Variants in B9D2 observed in about 807,000 individuals in gnomAD.
B9D2 encodes B9 domain-containing protein 2.
B9D2 carries 21 observed loss-of-function variants against 19.2 expected under a neutral mutation model. That is an observed-to-expected ratio of 1.09 (90% CI 0.78 to 1.58). The LOEUF (loss-of-function observed/expected upper bound fraction) is 1.58. Ranked by LOEUF, B9D2 falls within the 40% of genes most tolerant of loss-of-function variation. The probability of loss-of-function intolerance (pLI) is 0.00; values close to 1 mark genes in which losing one functional copy is unlikely to be tolerated. For synonymous variants in B9D2, 91 were observed against 100.6 expected (o/e 0.90, Z 0.57); for missense variants, 221 against 244.3 (o/e 0.90, Z 0.64).
intron 2 of B9D2, among the ~76,000 whole-genome samples, chr19:41,358,385 T>C (rs1176784575): frequency 1.3e-5 from 2 of 151,976 alleles, no homozygotes; most frequent in Non-Finnish European, 2.9e-5. Flanking sequence ...AGGAGCCCCA[T>C]CTAGTAAGAG....
chr19:41,363,876 G>A lies in B9D2; in HGVS notation c.-5+82C>T. 7.9e-6 allele frequency: 4 copies of A among 504,174 alleles called. No homozygotes were observed. In the South Asian group the frequency reaches 8.5e-5, roughly 11 times the overall value. 31.2% of individuals were successfully genotyped at this position (504,174 alleles called of 1,614,324 possible). ...CCAGCCACCCCGCTTCCCTCCCCCA[G>A]CAAGCTCCATAAGGCGCATGCGTTA... On this transcript the variant is annotated intron_variant, in intron 1 of 3. Coordinates refer to ENST00000243578, the MANE Select transcript of B9D2 (RefSeq NM_030578.4).
At chr19:41,363,408 A>C (rs757396698) in intron 2 of B9D2, 24 bp downstream of exon 2, 3 of 1,612,618 alleles carry the variant, frequency 1.9e-6, no homozygotes, top group Admixed American at 3.3e-5. Flanking sequence ...TTGGTGTGGA[A>C]ATGAACCAGG....
At position 41,364,010 on chromosome 19, in the gene B9D2, T is replaced by C. The variant is rs1297484308; in HGVS notation, c.-57A>G. 5.0e-6 allele frequency: 1 copy of C among 199,154 alleles called. No individual in the cohort carries two copies. The highest frequency in any genetic ancestry group is 2.4e-5 in the African/African-American group (1 of 42,504). The allele number at this position is 199,154 out of a possible 1,614,324, so 12.3% of individuals were successfully genotyped here. A position where few individuals can be genotyped will look rare whatever the true frequency, so the allele number is the denominator to read the frequency against. On this transcript the variant is annotated 5_prime_UTR_variant, in exon 1 of 4. Coordinates refer to ENST00000243578, the MANE Select transcript of B9D2 (RefSeq NM_030578.4). The stretch of plus-strand genomic sequence containing the variant: ...AGAAAGCGGCAACCGGGGTTGTAGT[T>C]CATGGGCTTGACTGCTTCTTTTCTC...
At chr19:41,362,337 C>T (rs1345392415) in intron 2 of B9D2, among the ~76,000 whole-genome samples, 1 of 132,366 alleles carries the variant, frequency 7.6e-6, no homozygotes, top group Non-Finnish European at 1.5e-5. Context: ...TAGATTGCAC[C>T]ACTGCACTAC....
rs572892079 is a variant in B9D2, at chr19:41,358,549, G to C, written c.89-527C>G. 6.2e-4 allele frequency among the ~76,000 whole-genome samples: 94 copies of C among 152,198 alleles called. No homozygotes were observed. The Middle Eastern group carries it at 0.01, about 17-fold the overall frequency. ...AATCCATGAATGGGTAATGAGCATA[G>C]TGAGCACGGGATAAGTCTTCAATAT... On this transcript the variant is annotated intron_variant, in intron 2 of 3. Transcript: ENST00000243578.
Position 41,354,804 on chromosome 19 carries a change from T to C in B9D2, c.424A>G (p.Ser142Gly), listed in dbSNP as rs779278483. Reference protein sequence around the residue: ...PQLLHGDTIYSGADRYRLHTA... With the variant: ...PQLLHGDTIYGGADRYRLHTA... Reference sequence around the variant, plus strand: ...TGCAGGCGATAGCGGTCGGCCCCACTGTAGATGGTGTCCCCATGCAGCAGC... The same window carrying C: ...TGCAGGCGATAGCGGTCGGCCCCACCGTAGATGGTGTCCCCATGCAGCAGC... Residue 142 changes from serine to glycine, a missense_variant, in exon 4 of 4, where the codon AGT becomes GGT. By Grantham distance (56) the Ser-to-Gly change is moderately conservative. Transcript: ENST00000243578. 5 of 1,614,040 alleles carry C rather than the reference T, an allele frequency of 3.1e-6. No individual in the cohort carries two copies. The highest frequency in any genetic ancestry group is 1.1e-5 in the South Asian group (1 of 91,090).
intron 3 of B9D2, among the ~76,000 whole-genome samples, chr19:41,356,444 G>A (rs959885297): frequency 2.6e-5 from 4 of 152,170 alleles, no homozygotes; most frequent in African/African-American, 9.7e-5. Flanking sequence ...TGGGGGACTG[G>A]AGGCCCCAAG....
Position 41,354,803 on chromosome 19 carries a change from CT to C in B9D2, c.424del (p.Ser142ValfsTer70). 1 of 1,614,046 alleles carries C rather than the reference CT, an allele frequency of 6.2e-7. No homozygotes were observed. Among genetic ancestry groups the C allele is most frequent in the Non-Finnish European group, 8.5e-7 (1 of 1,180,026 alleles). ...GTGCAGGCGATAGCGGTCGGCCCCA[CT>C]GTAGATGGTGTCCCCATGCAGCAGC... ...PQLLHGDTIY[S>X]GADRYRLHTA... is the part of the protein sequence containing the mutation. On this transcript the variant is annotated frameshift_variant, in exon 4 of 4. Transcript: ENST00000243578. LOFTEE classifies it high-confidence loss of function.
intron 3 of B9D2, among the ~76,000 whole-genome samples, chr19:41,357,597 TA>T (rs1473955481): frequency 6.6e-6 from 1 of 152,110 alleles, no homozygotes; most frequent in Non-Finnish European, 1.5e-5. Flanking sequence ...GCTTCCTCTT[TA>T]TTGGAGACTC....
Position 41,357,905 on chromosome 19 carries a change from C to A in B9D2, c.206G>T (p.Gly69Val). Reference sequence around the variant, plus strand: ...CCAGGTGTGATACCCACCTTGAAGACCTTTGGTGGCGAAGTGCAGGTCGAT... The same window carrying A: ...CCAGGTGTGATACCCACCTTGAAGAACTTTGGTGGCGAAGTGCAGGTCGAT... ...HPIDLHFATK[G>V]LQGWPRLHFQ... Residue 69 changes from glycine (G) to valine (V), a missense_variant, in exon 3 of 4, where the codon GGT (glycine) becomes GTT (valine). Gly to Val is a moderately radical substitution (Grantham distance 109, BLOSUM62 -3). Coordinates refer to ENST00000243578, the MANE Select transcript of B9D2 (RefSeq NM_030578.4). The A allele has an allele frequency of 1.9e-6, 3 of 1,614,150 alleles. No individual in the cohort carries two copies. The highest frequency in any genetic ancestry group is 1.7e-5 in the Admixed American group (1 of 60,008).
intron 2 of B9D2, among the ~76,000 whole-genome samples, chr19:41,360,517 T>A (rs150542351): frequency 0.015 from 2,208 of 152,046 alleles, 46 homozygotes; most frequent in African/African-American, 0.05. Flanking sequence ...TTATTTATTT[T>A]TTTTTGAGAC....
At chr19:41,356,680 T>A (rs540937991) in intron 3 of B9D2, among the ~76,000 whole-genome samples, 5 of 148,230 alleles carry the variant, frequency 3.4e-5, no homozygotes, top group African/African-American at 1.0e-4. Context: ...GCCATCTCTA[T>A]TAAAAAAAAA....
At position 41,363,541 on chromosome 19, in the gene B9D2, T is replaced by C. The variant is rs781782169; in HGVS notation, c.-4-18A>G. On this transcript the variant is annotated intron_variant, in intron 1 of 3. Transcript: ENST00000243578. ...CCATGGCCCTGGGAGGGGAAAAATA[T>C]AATCACAACCCTGTGAGGTAAGTGT... 1.9e-6 allele frequency: 3 copies of C among 1,607,414 alleles called. No individual in the cohort carries two copies. In the South Asian group the frequency reaches 3.3e-5, roughly 18 times the overall value.
chr19:41,354,501 T>C lies in B9D2; in HGVS notation c.*199A>G. ...ACTCAACACCCTGCGACCCCATACA[T>C]TTACTGTCCCCAATTTACAGATAGG... On this transcript the variant is annotated 3_prime_UTR_variant, in exon 4 of 4. Transcript: ENST00000243578. The C allele has an allele frequency of 1.4e-6, 1 of 699,122 alleles. No individual in the cohort carries two copies. Among genetic ancestry groups the C allele is most frequent in the Non-Finnish European group, 2.5e-6 (1 of 406,974 alleles). The allele number at this position is 699,122 out of a possible 1,614,324, so 43.3% of individuals were successfully genotyped here.
At chr19:41,356,987 G>A (rs888294002) in intron 3 of B9D2, among the ~76,000 whole-genome samples, 6 of 152,098 alleles carry the variant, frequency 3.9e-5, no homozygotes, top group South Asian at 2.1e-4. Context: ...CCCCTCTGCC[G>A]TCCCGCTCTC....
intron 3 of B9D2, among the ~76,000 whole-genome samples, chr19:41,357,303 C>T (rs1284652353): frequency 6.6e-6 from 1 of 152,174 alleles, no homozygotes; most frequent in Admixed American, 6.5e-5. Flanking sequence ...GGCTAAGGGA[C>T]ACTGCCTTGA....
At position 41,354,999 on chromosome 19, in the gene B9D2, G is replaced by A. The variant is rs1448231707; in HGVS notation, c.229C>T (p.His77Tyr). 3.8e-6 allele frequency: 6 copies of A among 1,599,834 alleles called. No homozygotes were observed. Among genetic ancestry groups the A allele is most frequent in the Non-Finnish European group, 4.3e-6 (5 of 1,171,364 alleles). ...TKGLQGWPRLHFQVWSQDSFG... is the reference protein window; with the variant it reads ...TKGLQGWPRLYFQVWSQDSFG... ...CTGTCCTGGGACCACACCTGGAAAT[G>A]GAGCCGGGGCCAGCCTGCAGGAAAG... The change falls in exon 4 of 4, where the codon CAT becomes TAT. Residue 77 changes from histidine (H) to tyrosine (Y), a missense_variant. By Grantham distance (83) the His-to-Tyr change is moderately conservative. Coordinates refer to ENST00000243578, the MANE Select transcript of B9D2 (RefSeq NM_030578.4).
In B9D2 at chr19:41,354,489, C is replaced by G; in HGVS notation, c.*211G>C. On this transcript the variant is annotated 3_prime_UTR_variant, in exon 4 of 4. Coordinates refer to ENST00000243578, the MANE Select transcript of B9D2 (RefSeq NM_030578.4). ...CAGCCTCCTGTCACTCAACACCCTG[C>G]GACCCCATACATTTACTGTCCCCAA... is the stretch of plus-strand genomic sequence containing the variant. 1 of 663,526 alleles carries G rather than the reference C, an allele frequency of 1.5e-6. No homozygotes were observed. Among genetic ancestry groups the G allele is most frequent in the Non-Finnish European group, 2.6e-6 (1 of 378,946 alleles). The allele number at this position is 663,526 out of a possible 1,614,324, so 41.1% of individuals were successfully genotyped here.
At position 41,354,848 on chromosome 19, in the gene B9D2, A is replaced by T; in HGVS notation, c.380T>A (p.Phe127Tyr). The T allele has an allele frequency of 6.2e-7, 1 of 1,613,942 alleles. No homozygotes were observed. ...GSWREQLARAFVGGGPQLLHG... is the reference protein window; with the variant it reads ...GSWREQLARAYVGGGPQLLHG... ...CAGCAGCTGCGGCCCACCACCCACGAAAGCCCGTGCCAACTGTTCTCGCCA... is the reference window on the plus strand; with the variant it reads ...CAGCAGCTGCGGCCCACCACCCACGTAAGCCCGTGCCAACTGTTCTCGCCA... The change falls in exon 4 of 4, where the codon TTC (phenylalanine) becomes TAC (tyrosine). Residue 127 changes from phenylalanine (F) to tyrosine (Y), a missense_variant. By Grantham distance (22) the Phe-to-Tyr change is conservative. Transcript: ENST00000243578.
Sources: allele counts gnomAD v4.1 joint callset (sites outside exome capture counted in the v4.1 genomes callset), GRCh38; gene constraint gnomAD v4.1.1; transcripts MANE v1.5; gene names NCBI Gene and HGNC (gene_info 2026-07-23, HGNC 2026-07-21).